Variants in DST observed in about 807,000 individuals in gnomAD.
DST encodes the protein dystonin.
A neutral mutation model predicts 875.2 loss-of-function variants in DST; 253 were observed. The ratio of observed to expected loss-of-function variants is 0.29; its 90% CI spans 0.26 to 0.32. DST has a LOEUF of 0.32. Among genes scored for constraint, DST ranks in the 10% least tolerant of loss-of-function variants. DST has a pLI of 1.00. For synonymous variants in DST, 3,124 were observed against 3,197.1 expected (o/e 0.98, Z 0.77); for missense variants, 8,287 against 9,111.6 (o/e 0.91, Z 3.68).
intron 4 of DST, among the ~76,000 whole-genome samples, chr6:56,736,142 GGC>G (rs1252159005): frequency 6.6e-6 from 1 of 152,098 alleles, no homozygotes; most frequent in Non-Finnish European, 1.5e-5. Context: ...CACCCACCTT[GGC>G]TTTCCAAAGT....
intron 63 of DST, among the ~76,000 whole-genome samples, chr6:56,532,849 C>T (rs1451087108): frequency 2.0e-5 from 3 of 152,108 alleles, no homozygotes; most frequent in Non-Finnish European, 4.4e-5. Flanking sequence ...TCTCCATTAT[C>T]GGAATGAAAT....
At chr6:56,708,449 C>T (rs1253338003) in intron 5 of DST, among the ~76,000 whole-genome samples, 1 of 151,888 alleles carries the variant, frequency 6.6e-6, no homozygotes, top group Non-Finnish European at 1.5e-5. Context: ...AATCCAAAGA[C>T]ACTGGCTATC....
At chr6:56,845,988 G>T (rs1168868114) in intron 4 of DST, among the ~76,000 whole-genome samples, 1 of 152,232 alleles carries the variant, frequency 6.6e-6, no homozygotes, top group East Asian at 1.9e-4. Context: ...GGACTTTGGA[G>T]TAAAGACTGC....
At chr6:56,947,101 A>G (rs1819926264) in intron 2 of DST, among the ~76,000 whole-genome samples, 1 of 152,054 alleles carries the variant, frequency 6.6e-6, no homozygotes, top group African/African-American at 2.4e-5. Context: ...CCTCGGGGTC[A>G]CCAGAAAGGC....
At chr6:56,476,958 G>GA (rs990049817) in intron 91 of DST, among the ~76,000 whole-genome samples, 15 of 144,054 alleles carry the variant, frequency 1.0e-4, no homozygotes, top group Non-Finnish European at 1.7e-4. Context: ...TCAAAAGAAA[G>GA]AAAAAAAAAA....
intron 2 of DST, among the ~76,000 whole-genome samples, chr6:56,915,122 A>T (rs995288103): frequency 6.6e-6 from 1 of 152,202 alleles, no homozygotes; most frequent in African/African-American, 2.4e-5. Context: ...GATTTTATAG[A>T]TGATTCTTTA....
chr6:56,526,235 A>T, intron 69 of DST, 126 bp downstream of exon 69: 1 of 1,046,344 alleles, frequency 9.6e-7, no homozygotes, highest in Non-Finnish European at 1.4e-6. Flanking sequence ...TTTCAAATCC[A>T]CTCTTTCATT....
chr6:56,508,807 A>G (rs1014111632), intron 74 of DST, 52 bp from the exon 75 acceptor site: 32 of 1,398,758 alleles, frequency 2.3e-5, no homozygotes, highest in Non-Finnish European at 3.2e-5. Flanking sequence ...CACGTAACCA[A>G]CAAAGCAGAA....
chr6:56,912,832 G>A (rs182022335), intron 2 of DST, among the ~76,000 whole-genome samples: 16 of 152,248 alleles, frequency 1.1e-4, no homozygotes, highest in Admixed American at 9.2e-4. Flanking sequence ...CATTTCTTAC[G>A]TTTCATTAAC....
intron 10 of DST, 50 bp downstream of exon 10, chr6:56,670,591 A>T: frequency 8.5e-7 from 1 of 1,177,464 alleles, no homozygotes; most frequent in African/African-American, 1.6e-5. Flanking sequence ...TCAGAGATGA[A>T]AGAAATGTGT....
At chr6:56,768,907 A>G (rs1435793253) in intron 4 of DST, among the ~76,000 whole-genome samples, 1 of 152,174 alleles carries the variant, frequency 6.6e-6, no homozygotes, top group African/African-American at 2.4e-5. Flanking sequence ...CATCTCTACT[A>G]AAAATACAAA....
intron 36 of DST, chr6:56,617,461 C>A (rs749283261): frequency 2.1e-6 from 3 of 1,451,958 alleles, no homozygotes; most frequent in Non-Finnish European, 1.9e-6. Flanking sequence ...ACCTCAAGAA[C>A]ATTATGTCAC....
At chr6:56,851,115 AG>A (rs1290732056) in intron 4 of DST, 7 of 459,830 alleles carry the variant, frequency 1.5e-5, no homozygotes, top group Non-Finnish European at 2.7e-5. Flanking sequence ...TGCAGTAATT[AG>A]GAAAGTTTAG....
intron 4 of DST, among the ~76,000 whole-genome samples, chr6:56,820,192 C>A (rs184911864): frequency 2.1e-4 from 32 of 152,296 alleles, no homozygotes; most frequent in African/African-American, 7.5e-4. Flanking sequence ...ATAGCAACTG[C>A]AAAATAAGGA....
chr6:56,616,441 T>A lies in DST; in HGVS notation c.4930-1957A>T, dbSNP rs747903600. ...TCAATTCTGATCCTGTTTTAGTATCTACTACAGAAATTCTATGTGTTTTCT... is the reference window on the plus strand; with the variant it reads ...TCAATTCTGATCCTGTTTTAGTATCAACTACAGAAATTCTATGTGTTTTCT... On this transcript the variant is annotated intron_variant, in intron 36 of 103. Transcript: ENST00000680361. The A allele has an allele frequency of 2.5e-6, 4 of 1,614,124 alleles. No individual in the cohort carries two copies. The South Asian group carries it at 4.4e-5, about 18-fold the overall frequency.
At chr6:56,758,073 A>G (rs1242790318) in intron 4 of DST, among the ~76,000 whole-genome samples, 1 of 152,238 alleles carries the variant, frequency 6.6e-6, no homozygotes, top group Non-Finnish European at 1.5e-5. Flanking sequence ...AGAACTTGGT[A>G]TAATCAAGCG....
At chr6:56,843,129 G>A (rs746177888) in intron 4 of DST, 3 of 1,570,164 alleles carry the variant, frequency 1.9e-6, no homozygotes, top group East Asian at 2.3e-5. Flanking sequence ...AGCAGCAGGG[G>A]AGAGGTAACC....
intron 10 of DST, among the ~76,000 whole-genome samples, chr6:56,662,170 G>C (rs761900604): frequency 3.9e-5 from 6 of 152,154 alleles, no homozygotes; most frequent in African/African-American, 9.7e-5. Flanking sequence ...TTTCTCAAAG[G>C]CATCATGGAG....
intron 9 of DST, among the ~76,000 whole-genome samples, chr6:56,689,953 C>T (rs920921021): frequency 3.9e-5 from 6 of 152,120 alleles, no homozygotes; most frequent in Non-Finnish European, 5.9e-5. Context: ...GGTGAGTCTT[C>T]GACAAACAGA....
Sources: gnomAD v4.1 joint callset for allele counts (sites outside exome capture counted in the v4.1 genomes callset) on GRCh38, gnomAD v4.1.1 for gene constraint, MANE v1.5 for transcripts, NCBI Gene and HGNC (gene_info 2026-07-23, HGNC 2026-07-21) for gene names.